Variants in PSPC1 observed in about 807,000 individuals in gnomAD.
The protein encoded by PSPC1 is paraspeckle protein 1.
Under a neutral mutation model 51.6 loss-of-function variants are expected in PSPC1, and 14 were observed. The observed-to-expected ratio is 0.27, with a 90% CI of 0.18 to 0.42. The LOEUF is 0.42. PSPC1 is among the 10% of genes least tolerant of loss of function. The probability of loss-of-function intolerance (pLI) is 1.00; values close to 1 mark genes in which losing one functional copy is unlikely to be tolerated. For synonymous variants in PSPC1, 193 were observed against 231.9 expected (o/e 0.83, Z 1.53); for missense variants, 406 against 701.1 (o/e 0.58, Z 4.75).
intron 5 of PSPC1, among the ~76,000 whole-genome samples, chr13:19,734,600 G>A (rs972069677): frequency 6.6e-6 from 1 of 152,138 alleles, no homozygotes. Context: ...TCAGGAGTTC[G>A]AGACGAGCCT....
intron 4 of PSPC1, among the ~76,000 whole-genome samples, chr13:19,744,971 T>G (rs1408025420): frequency 1.3e-5 from 2 of 152,216 alleles, no homozygotes; most frequent in Non-Finnish European, 2.9e-5. Flanking sequence ...GTATTACTTA[T>G]TACTTACTAA....
At chr13:19,742,984 A>T (rs1042250449) in intron 4 of PSPC1, among the ~76,000 whole-genome samples, 2 of 152,200 alleles carry the variant, frequency 1.3e-5, no homozygotes, top group Non-Finnish European at 2.9e-5. Flanking sequence ...GATATAAACA[A>T]GACTTTTCAA....
intron 6 of PSPC1, among the ~76,000 whole-genome samples, chr13:19,729,870 T>C (rs555217778): frequency 9.1e-4 from 139 of 152,332 alleles, no homozygotes; most frequent in Non-Finnish European, 1.4e-3. Flanking sequence ...AAGTGTTCAC[T>C]ACAATTCTTC....
rs1254326612 is a variant in PSPC1 at position 19,782,666 on chromosome 13, G to A, written c.92C>T (p.Pro31Leu). Residue 31 changes from proline to leucine, a missense_variant, in exon 1 of 9, where the codon CCG becomes CTG. Around this residue, in one of 5 missense-constraint regions of PSPC1, gnomAD observed 128 missense variants for 107.1 expected, o/e 1.20. Transcript: ENST00000338910. The surrounding 1 kb of genome is among the most constrained non-coding windows in gnomAD (Gnocchi z 4.5). ...GAGCGCCATGGCTGCCGCGGCCGCC[G>A]GCTCGCTCTCGCCCACCGCGGACTC... is the stretch of plus-strand genomic sequence containing the variant. Reference protein sequence around the residue: ...ALESAVGESEPAAAAAMALAL... With the variant: ...ALESAVGESELAAAAAMALAL... The A allele has an allele frequency of 1.3e-6, 2 of 1,552,462 alleles. No homozygotes were observed. The highest frequency in any genetic ancestry group is 1.2e-5 in the South Asian group (1 of 84,134).
chr13:19,759,035 A>G (rs1887362732), intron 3 of PSPC1, among the ~76,000 whole-genome samples: 2 of 152,070 alleles, frequency 1.3e-5, no homozygotes, highest in African/African-American at 4.8e-5. Flanking sequence ...CTGTAATCCC[A>G]GCTACTCAGG....
At chr13:19,770,088 C>T (rs911783539) in intron 2 of PSPC1, among the ~76,000 whole-genome samples, 1 of 152,014 alleles carries the variant, frequency 6.6e-6, no homozygotes, top group African/African-American at 2.4e-5. Context: ...TATGACTCAG[C>T]CATAAAAAGG....
At chr13:19,743,154 A>G (rs1885605067) in intron 4 of PSPC1, among the ~76,000 whole-genome samples, 1 of 152,182 alleles carries the variant, frequency 6.6e-6, no homozygotes, top group African/African-American at 2.4e-5. Flanking sequence ...TTTGTGTGTG[A>G]TTTTGTATAA....
chr13:19,707,324 A>G (rs1428409691), intron 7 of PSPC1, among the ~76,000 whole-genome samples: 2 of 152,164 alleles, frequency 1.3e-5, no homozygotes, highest in Non-Finnish European at 2.9e-5. Flanking sequence ...CACATCTTCC[A>G]CCACATAGCT....
At chr13:19,738,046 A>T (rs9506365) in intron 5 of PSPC1, among the ~76,000 whole-genome samples, 43 of 152,060 alleles carry the variant, frequency 2.8e-4, no homozygotes, top group Non-Finnish European at 5.7e-4. Context: ...GCTATGATTG[A>T]GACACTGCAC....
chr13:19,771,761 C>T (rs577535869), intron 2 of PSPC1, among the ~76,000 whole-genome samples: 50 of 152,106 alleles, frequency 3.3e-4, no homozygotes, highest in Non-Finnish European at 6.8e-4. Context: ...GCTGGGACTA[C>T]AGGCATGCAC....
intron 6 of PSPC1, among the ~76,000 whole-genome samples, chr13:19,715,877 G>A (rs1593603292): frequency 6.6e-6 from 1 of 152,108 alleles, no homozygotes; most frequent in South Asian, 2.1e-4. Flanking sequence ...AGCTGGGCAT[G>A]GTGGAGGGCA....
chr13:19,739,340 G>A (rs1171172697), intron 5 of PSPC1, among the ~76,000 whole-genome samples: 3 of 152,134 alleles, frequency 2.0e-5, no homozygotes, highest in African/African-American at 7.2e-5. Flanking sequence ...TACATGAGGG[G>A]TAGGTATAAT....
chr13:19,756,689 G>A (rs995897365), intron 3 of PSPC1, among the ~76,000 whole-genome samples: 6 of 151,954 alleles, frequency 3.9e-5, no homozygotes, highest in East Asian at 2.0e-4. Flanking sequence ...TAGTAGAGAC[G>A]GGGGTTTCAC....
At chr13:19,774,820 A>ATT (rs1566056626) in intron 1 of PSPC1, among the ~76,000 whole-genome samples, 1 of 143,712 alleles carries the variant, frequency 7.0e-6, no homozygotes, top group African/African-American at 2.6e-5. Context: ...AAAAAAAAAC[A>ATT]AAAAAAAAAA....
downstream of PSPC1, chr13:19,672,235 C>T (rs45461897): frequency 0.026 from 4,906 of 192,058 alleles, 100 homozygotes; most frequent in Middle Eastern, 0.037. Flanking sequence ...AGCTCTGCCT[C>T]CTGGGTTCAA....
rs189002065 is a variant in PSPC1 at position 19,773,948 on chromosome 13, T to C, written c.373-1405A>G. The stretch of plus-strand genomic sequence containing the variant: ...GTAAGATTACAGGTGTGAGCCATCT[T>C]GCCCTAGCCAATGTCTTCTTAATGA... On this transcript the variant is annotated intron_variant, in intron 1 of 8. Coordinates refer to ENST00000338910, the MANE Select transcript of PSPC1 (RefSeq NM_001354909.2). Among the ~76,000 whole-genome samples, 1,317 of 152,262 alleles carry C rather than the reference T, an allele frequency of 8.6e-3. 23 individuals are homozygous for C. The highest frequency in any genetic ancestry group is 0.03 in the African/African-American group (1,260 of 41,556).
chr13:19,772,166 T>C, intron 2 of PSPC1, 76 bp downstream of exon 2: 2 of 1,476,400 alleles, frequency 1.4e-6, no homozygotes, highest in Non-Finnish European at 1.8e-6. Flanking sequence ...TGAACTGCAA[T>C]GAAAGACAGA....
intron 6 of PSPC1, among the ~76,000 whole-genome samples, chr13:19,729,989 A>G (rs1883847658): frequency 6.6e-6 from 1 of 152,176 alleles, no homozygotes; most frequent in Non-Finnish European, 1.5e-5. Context: ...TTAATAGCAT[A>G]TGTTTTTTTA....
chr13:19,720,643 G>A (rs1185708531), intron 6 of PSPC1, among the ~76,000 whole-genome samples: 1 of 152,058 alleles, frequency 6.6e-6, no homozygotes, highest in Non-Finnish European at 1.5e-5. Context: ...TTTAAAATTT[G>A]CCATTATAAA....
Sources: allele counts gnomAD v4.1 joint callset (sites outside exome capture counted in the v4.1 genomes callset), GRCh38; gene constraint gnomAD v4.1.1; regional missense constraint gnomAD v4.1.1; non-coding constraint Gnocchi (gnomAD v3.1); transcripts MANE v1.5; gene names NCBI Gene and HGNC (gene_info 2026-07-23, HGNC 2026-07-21).